The following SLA variants were observed in gnomAD, a reference collection of about 807,000 sequenced individuals.
The protein encoded by SLA is Src like adaptor, also known as src-like-adapter.
SLA carries 16 observed loss-of-function variants against 30.3 expected under a neutral mutation model. The observed-to-expected ratio is 0.53, with a 90% CI of 0.36 to 0.80. SLA has a LOEUF of 0.80. SLA is among the 30% of genes least tolerant of loss of function. The pLI, the probability that SLA is intolerant of heterozygous loss-of-function variation, is 0.01. For synonymous variants in SLA, 143 were observed against 137.8 expected (o/e 1.04, Z -0.26); for missense variants, 310 against 345.2 (o/e 0.90, Z 0.81).
intron 3 of SLA, among the ~76,000 whole-genome samples, chr8:133,051,198 T>C (rs1336722940): frequency 6.6e-6 from 1 of 152,192 alleles, no homozygotes; most frequent in African/African-American, 2.4e-5. Flanking sequence ...AGATGAGTCA[T>C]GGGGTCTGGC....
At chr8:133,039,950 C>T (rs1343888385) in intron 8 of SLA, 48 bp downstream of exon 8, 1 of 1,480,962 alleles carries the variant, frequency 6.8e-7, no homozygotes, top group Non-Finnish European at 8.9e-7. Context: ...AGAGCACTTG[C>T]ATGCACACAC....
intron 2 of SLA, among the ~76,000 whole-genome samples, chr8:133,063,038 C>T (rs1842599943): frequency 6.6e-6 from 1 of 152,210 alleles, no homozygotes; most frequent in East Asian, 1.9e-4. Context: ...TCACCGAGGC[C>T]TTTGGGCTTC....
intron 2 of SLA, among the ~76,000 whole-genome samples, chr8:133,060,987 T>C (rs1842289166): frequency 6.6e-6 from 1 of 152,200 alleles, no homozygotes; most frequent in African/African-American, 2.4e-5. Context: ...ACAAGCTAGA[T>C]GACTTCGGGC....
chr8:133,075,205 A>G (rs4301434), intron 1 of SLA, 75 bp from the exon 2 acceptor site: 379,198 of 833,836 alleles, frequency 0.45, 87,177 homozygotes, highest in Non-Finnish European at 0.46. Context: ...TGGATTCTGG[A>G]ATTTCAGAAG....
intron 1 of SLA, among the ~76,000 whole-genome samples, chr8:133,080,560 T>G (rs930364325): frequency 6.6e-6 from 1 of 152,154 alleles, no homozygotes; most frequent in Non-Finnish European, 1.5e-5. Context: ...GCTGCTATCC[T>G]CCTCAAGCAG....
chr8:133,097,338 A>G (rs1048537391), intron 1 of SLA, among the ~76,000 whole-genome samples: 1 of 152,254 alleles, frequency 6.6e-6, no homozygotes, highest in African/African-American at 2.4e-5. Flanking sequence ...ATATATATAC[A>G]AGAGTATTTA....
intron 2 of SLA, among the ~76,000 whole-genome samples, chr8:133,066,707 A>G (rs6997296): frequency 0.18 from 27,634 of 152,244 alleles, 2,858 homozygotes; most frequent in Non-Finnish European, 0.23. Context: ...TCGCTGGGCA[A>G]GTTAGTTCAC....
At chr8:133,058,315 G>A (rs1369342571) in intron 3 of SLA, among the ~76,000 whole-genome samples, 2 of 152,292 alleles carry the variant, frequency 1.3e-5, no homozygotes, top group East Asian at 1.9e-4. Flanking sequence ...GTATGACCAG[G>A]GGAATTCTCT....
chr8:133,055,381 A>G (rs71512334), intron 3 of SLA, among the ~76,000 whole-genome samples: 7 of 132,994 alleles, frequency 5.3e-5, no homozygotes, highest in African/African-American at 2.1e-4. Context: ...ACACACACAC[A>G]CACACACACA....
chr8:133,047,309 C>T (rs1839608541), intron 6 of SLA: 1 of 153,688 alleles, frequency 6.5e-6, no homozygotes, highest in Non-Finnish European at 1.5e-5. Flanking sequence ...TCGGAGCTGT[C>T]TGATTTAGTT....
intron 2 of SLA, among the ~76,000 whole-genome samples, chr8:133,070,425 G>C (rs1305110422): frequency 1.3e-5 from 2 of 152,182 alleles, no homozygotes; most frequent in African/African-American, 4.8e-5. Flanking sequence ...ACTATGCGGA[G>C]GGCCTAAAGG....
intron 7 of SLA, 182 bp from the exon 8 acceptor site, chr8:133,040,312 G>C (rs937160058): frequency 8.2e-5 from 53 of 644,412 alleles, no homozygotes; most frequent in Non-Finnish European, 1.3e-4. Flanking sequence ...AGCTGTTTGA[G>C]AAATGTAAGC....
intron 1 of SLA, chr8:133,096,320 C>T (rs778470679): frequency 5.6e-6 from 9 of 1,614,188 alleles, no homozygotes; most frequent in Non-Finnish European, 7.6e-6. Flanking sequence ...GGTCGATCTG[C>T]TCATTGGGAG....
At chr8:133,059,098 C>T (rs909205629) in intron 3 of SLA, 2 of 456,298 alleles carry the variant, frequency 4.4e-6, no homozygotes, top group Non-Finnish European at 8.8e-6. Context: ...AGTCCACTTC[C>T]CTGTCAGGCT....
intron 3 of SLA, among the ~76,000 whole-genome samples, chr8:133,053,018 C>G (rs773431030): frequency 6.6e-6 from 1 of 152,186 alleles, no homozygotes; most frequent in Admixed American, 6.5e-5. Flanking sequence ...TGTGCTGCCT[C>G]GGCTACATGT....
At chr8:133,049,659 A>G (rs1801750342) in intron 5 of SLA, 3 of 505,286 alleles carry the variant, frequency 5.9e-6, no homozygotes, top group South Asian at 2.1e-5. Flanking sequence ...CAGGAGCACC[A>G]TGTTAGAGCT....
intron 4 of SLA, 40 bp from the exon 5 acceptor site, chr8:133,050,028 A>G: frequency 7.6e-7 from 1 of 1,318,246 alleles, no homozygotes; most frequent in Non-Finnish European, 1.1e-6. Context: ...GAGATAGGTA[A>G]ATAGCAAAAC....
chr8:133,101,765 A>G (rs769260351), intron 1 of SLA, among the ~76,000 whole-genome samples: 2 of 152,252 alleles, frequency 1.3e-5, no homozygotes, highest in Non-Finnish European at 2.9e-5. Context: ...GATACATACT[A>G]TATGGAGAGA....
chr8:133,045,266 C>T (rs1032410390), intron 6 of SLA, 151 bp from the exon 7 acceptor site: 2 of 721,504 alleles, frequency 2.8e-6, no homozygotes, highest in Non-Finnish European at 4.7e-6. Flanking sequence ...TCCACTAGAC[C>T]CTTCTCTGTT....
Sources: gnomAD v4.1 joint callset for allele counts (sites outside exome capture counted in the v4.1 genomes callset) on GRCh38, gnomAD v4.1.1 for gene constraint, MANE v1.5 for transcripts, NCBI Gene and HGNC (gene_info 2026-07-23, HGNC 2026-07-21) for gene names.